PHACTR3: variants seen among roughly 807,000 people sequenced by gnomAD.
PHACTR3 encodes phosphatase and actin regulator 3.
A neutral mutation model predicts 66.8 loss-of-function variants in PHACTR3; 16 were observed. The ratio of observed to expected loss-of-function variants is 0.24; its 90% CI spans 0.16 to 0.36. PHACTR3 has a LOEUF of 0.36. PHACTR3 is among the 10% of genes least tolerant of loss of function. The pLI, the probability that PHACTR3 is intolerant of heterozygous loss-of-function variation, is 1.00. For synonymous variants in PHACTR3, 323 were observed against 292.1 expected, an observed-to-expected ratio of 1.11 and a Z score of -1.08; for missense variants, 647 against 719.9, an observed-to-expected ratio of 0.90 and a Z score of 1.16.
At chr20:59,684,859 T>C (rs1046323137) in intron 1 of PHACTR3, among the ~76,000 whole-genome samples, 2 of 152,172 alleles carry the variant, frequency 1.3e-5, no homozygotes, top group African/African-American at 4.8e-5. Context: ...ACTGCTGGGC[T>C]CCAGGCTACT....
intron 6 of PHACTR3, among the ~76,000 whole-genome samples, chr20:59,773,663 C>T (rs1405829545): frequency 6.6e-6 from 1 of 152,220 alleles, no homozygotes; most frequent in Non-Finnish European, 1.5e-5. Context: ...ACGGGGTGCA[C>T]AGTGAATGTG....
At chr20:59,595,087 G>T (rs2033286573) in intron 1 of PHACTR3, among the ~76,000 whole-genome samples, 1 of 152,188 alleles carries the variant, frequency 6.6e-6, no homozygotes, top group African/African-American at 2.4e-5. Flanking sequence ...CACATTTTGA[G>T]ATTTTCCAGT....
rs2036634738 is a variant in PHACTR3, at chr20:59,681,266, A to T, written c.119-61841A>T. Among the ~76,000 whole-genome samples, 7 of 152,320 alleles carry T rather than the reference A, an allele frequency of 4.6e-5. No homozygotes were observed. The South Asian group carries it at 1.4e-3, about 32-fold the overall frequency. The stretch of plus-strand genomic sequence containing the variant: ...TGGCTGTCTTGGAGATTCCACACGT[A>T]CACACATGTGCACATGTGCATACAT... On this transcript the variant is annotated intron_variant, in intron 1 of 12. Coordinates refer to ENST00000371015, the MANE Select transcript of PHACTR3 (RefSeq NM_080672.5).
chr20:59,663,319 C>T (rs1168943999), intron 1 of PHACTR3, among the ~76,000 whole-genome samples: 1 of 152,092 alleles, frequency 6.6e-6, no homozygotes, highest in Non-Finnish European at 1.5e-5. Context: ...GAGAGGGAGG[C>T]GGATTTGCTA....
rs2040476076 is a variant in PHACTR3, at chr20:59,774,874, TAGCAAA to T, written c.1174+386_1174+391del. Among the ~76,000 whole-genome samples the T allele has an allele frequency of 3.3e-5, 5 of 151,372 alleles. No homozygotes were observed. In the South Asian group the frequency reaches 1.0e-3, roughly 32 times the overall value. On this transcript the variant is annotated intron_variant, in intron 7 of 12. Transcript: ENST00000371015. ...ACAGATGCTCAGTGTACAGAAGTTA[TAGCAAA>T]AACAAAAACAAAAAAAAACTGTAAC...
At chr20:59,632,706 A>G (rs2034710881) in intron 1 of PHACTR3, among the ~76,000 whole-genome samples, 1 of 152,188 alleles carries the variant, frequency 6.6e-6, no homozygotes, top group Non-Finnish European at 1.5e-5. Context: ...ATTTCTGATT[A>G]TTACAGGGAC....
chr20:59,653,878 G>A (rs184708972), intron 1 of PHACTR3, among the ~76,000 whole-genome samples: 359 of 152,154 alleles, frequency 2.4e-3, no homozygotes, highest in Non-Finnish European at 3.4e-3. Context: ...AAACCCTATA[G>A]CAACGAACGC....
chr20:59,672,480 G>C (rs2036228190), intron 1 of PHACTR3, among the ~76,000 whole-genome samples: 1 of 152,170 alleles, frequency 6.6e-6, no homozygotes, highest in Admixed American at 6.5e-5. Context: ...CTAGCCATGG[G>C]GGCTAGGATC....
intron 1 of PHACTR3, among the ~76,000 whole-genome samples, chr20:59,724,741 C>T (rs560841470): frequency 7.2e-5 from 11 of 152,336 alleles, no homozygotes; most frequent in African/African-American, 1.7e-4. Flanking sequence ...TTCCAGTACA[C>T]GCTCTCAAGC....
upstream of PHACTR3, among the ~76,000 whole-genome samples, chr20:59,602,782 G>A (rs1297274797): frequency 6.6e-6 from 1 of 152,208 alleles, no homozygotes; most frequent in Non-Finnish European, 1.5e-5. Context: ...GCATGGTTGG[G>A]GGCAAGGATT....
intron 1 of PHACTR3, among the ~76,000 whole-genome samples, chr20:59,613,442 G>A (rs539515033): frequency 4.2e-4 from 64 of 152,310 alleles, no homozygotes; most frequent in African/African-American, 1.5e-3. Flanking sequence ...CTTCTTGGGA[G>A]CACTGCCCAG....
intron 3 of PHACTR3, among the ~76,000 whole-genome samples, chr20:59,752,137 C>A (rs2039615720): frequency 6.6e-6 from 1 of 152,222 alleles, no homozygotes; most frequent in South Asian, 2.1e-4. Flanking sequence ...AGTGACAAAT[C>A]AAGTCTATCT....
intron 1 of PHACTR3, among the ~76,000 whole-genome samples, chr20:59,636,554 G>GACC (rs2034907474): frequency 6.6e-6 from 1 of 152,176 alleles, no homozygotes; most frequent in Admixed American, 6.5e-5. Context: ...TGGCCAGGAA[G>GACC]ACCTGGTCTG....
At chr20:59,690,252 C>T (rs2037061919) in intron 1 of PHACTR3, among the ~76,000 whole-genome samples, 1 of 152,212 alleles carries the variant, frequency 6.6e-6, no homozygotes, top group Admixed American at 6.5e-5. Context: ...CATGCACAAA[C>T]ACAGATGTTT....
chr20:59,759,125 G>A (rs1297320412), intron 4 of PHACTR3, among the ~76,000 whole-genome samples: 3 of 152,118 alleles, frequency 2.0e-5, no homozygotes, highest in Non-Finnish European at 4.4e-5. Context: ...CTCTCTGGTA[G>A]CATGTGTGTT....
At chr20:59,579,014 C>T (rs2032793347) in intron 1 of PHACTR3, among the ~76,000 whole-genome samples, 1 of 152,208 alleles carries the variant, frequency 6.6e-6, no homozygotes, top group Non-Finnish European at 1.5e-5. Flanking sequence ...AGCCCCTCCC[C>T]CAGTGCCTGC....
chr20:59,808,734 T>C (rs544456893), intron 8 of PHACTR3, among the ~76,000 whole-genome samples: 1 of 152,268 alleles, frequency 6.6e-6, no homozygotes, highest in Admixed American at 6.5e-5. Context: ...CCTGAGAATC[T>C]GCATTTCTAG....
intron 7 of PHACTR3, among the ~76,000 whole-genome samples, chr20:59,802,454 C>T (rs976405957): frequency 2.0e-5 from 3 of 152,156 alleles, no homozygotes; most frequent in Non-Finnish European, 4.4e-5. Context: ...GAGCCTTTCA[C>T]AAAGAAGGGA....
intron 1 of PHACTR3, among the ~76,000 whole-genome samples, chr20:59,675,910 G>C (rs1367061311): frequency 1.3e-5 from 2 of 152,196 alleles, no homozygotes; most frequent in Non-Finnish European, 2.9e-5. Context: ...GTGACCCTAG[G>C]TCCTCGACCT....
Sources: allele counts gnomAD v4.1 joint callset (sites outside exome capture counted in the v4.1 genomes callset), GRCh38; gene constraint gnomAD v4.1.1; transcripts MANE v1.5; gene names NCBI Gene and HGNC (gene_info 2026-07-23, HGNC 2026-07-21).